Variants in ISY1 observed in about 807,000 individuals in gnomAD.
ISY1 encodes the protein pre-mRNA-splicing factor ISY1 homolog.
ISY1 carries 12 observed loss-of-function variants against 54.4 expected under a neutral mutation model. The ratio of observed to expected loss-of-function variants is 0.22; its 90% CI spans 0.14 to 0.36. The LOEUF is 0.36. Among genes scored for constraint, ISY1 ranks in the 10% least tolerant of loss-of-function variants. The probability of loss-of-function intolerance (pLI) is 1.00; values close to 1 mark genes in which losing one functional copy is unlikely to be tolerated. For missense variants in ISY1, 282 were observed against 342.2 expected (o/e 0.82, Z 1.39); for synonymous variants, 96 against 117.9 (o/e 0.81, Z 1.20).
intron 7 of ISY1, 139 bp downstream of exon 7, chr3:129,140,229 T>A (rs1936566113): frequency 2.6e-6 from 2 of 767,520 alleles, no homozygotes; most frequent in East Asian, 5.3e-5. Context: ...AATTCTCAGT[T>A]AAAATCTGGG....
At chr3:129,132,078 C>T (rs1936252690) in intron 9 of ISY1, among the ~76,000 whole-genome samples, 1 of 152,124 alleles carries the variant, frequency 6.6e-6, no homozygotes, top group Admixed American at 6.5e-5. Flanking sequence ...AATCCTCCCA[C>T]CTCAGCCTCC....
chr3:129,157,041 T>C, intron 3 of ISY1, 121 bp from the exon 4 acceptor site: 3 of 1,063,942 alleles, frequency 2.8e-6, no homozygotes, highest in South Asian at 1.6e-5. Flanking sequence ...GAAGTTTTCA[T>C]TCCAGATGAT....
rs745998443 is a variant in ISY1, at chr3:129,130,138, A to G, written c.801T>C (p.Tyr267=). ...RRKKMELLQK[Y]ASETLQAQSE... ...TTTGGGCCTGCAGGGTCTCGCTTGC[A>G]TACTTCTGGAGGAGTTCCATTTTCT... Residue 267 remains tyrosine (Y), a synonymous_variant, in exon 11 of 11, where the codon TAT becomes TAC. Transcript: ENST00000393295. 26 of 1,612,546 alleles carry G rather than the reference A, an allele frequency of 1.6e-5. No individual in the cohort carries two copies. The highest frequency in any genetic ancestry group is 1.9e-5 in the Non-Finnish European group (23 of 1,179,556).
intron 1 of ISY1, 95 bp from the exon 2 acceptor site, chr3:129,159,271 A>G: frequency 2.0e-6 from 3 of 1,508,926 alleles, no homozygotes; most frequent in Non-Finnish European, 2.7e-6. Flanking sequence ...CAAGAATACA[A>G]TCACAAGCAA....
chr3:129,151,163 ATATATAAAAAT>A (rs1560021261), intron 5 of ISY1, among the ~76,000 whole-genome samples: 5 of 147,512 alleles, frequency 3.4e-5, no homozygotes, highest in Admixed American at 6.8e-5. Context: ...AAATATATAA[ATATATAAAAAT>A]ATATATAAAT....
chr3:129,130,463 A>C (rs1015258684), intron 10 of ISY1, 87 bp downstream of exon 10: 4 of 1,509,040 alleles, frequency 2.7e-6, no homozygotes, highest in South Asian at 1.2e-5. Flanking sequence ...ATGGGTAGGA[A>C]GGACAACGAA....
chr3:129,158,379 A>C (rs1445785773), intron 3 of ISY1, 129 bp downstream of exon 3: 1 of 1,312,120 alleles, frequency 7.6e-7, no homozygotes, highest in Non-Finnish European at 1.1e-6. Context: ...GACTGGTCTC[A>C]AACTCCTAGA....
chr3:129,136,258 C>T (rs1178472695), intron 7 of ISY1, among the ~76,000 whole-genome samples: 3 of 151,556 alleles, frequency 2.0e-5, no homozygotes, highest in Admixed American at 2.0e-4. Flanking sequence ...CCCGCCACCA[C>T]ACCCAGCTAA....
Position 129,149,427 on chromosome 3 carries a change from CAAAAAAAAAAAAAAA to C in ISY1, c.188-3569_188-3555del, listed in dbSNP as rs767849123. Among the ~76,000 whole-genome samples the C allele has an allele frequency of 8.2e-3, 199 of 24,222 alleles. 3 individuals are homozygous for C. The highest frequency in any genetic ancestry group is 0.026 in the African/African-American group (193 of 7,346). 15.9% of individuals were successfully genotyped at this position (24,222 alleles called of 152,430 possible). On this transcript the variant is annotated intron_variant, in intron 5 of 10. Transcript: ENST00000393295. Reference sequence around the variant, plus strand: ...TGGCGACAAGAACAAAACTCTATCTCAAAAAAAAAAAAAAAAAAAAAAAAAAAATTAGCCAGGCAT... The same window carrying C: ...TGGCGACAAGAACAAAACTCTATCTCAAAAAAAAAAAAATTAGCCAGGCAT...
intron 6 of ISY1, among the ~76,000 whole-genome samples, chr3:129,140,869 G>T (rs943725082): frequency 2.6e-5 from 4 of 151,456 alleles, no homozygotes; most frequent in Admixed American, 6.6e-5. Flanking sequence ...GCGCCTGGCA[G>T]ATCTGATCTT....
At chr3:129,157,029 T>C (rs1937162676) in intron 3 of ISY1, 109 bp from the exon 4 acceptor site, 3 of 1,245,324 alleles carry the variant, frequency 2.4e-6, no homozygotes, top group Non-Finnish European at 3.4e-6. Context: ...CTAAAAACAT[T>C]TGAAGTTTTC....
At chr3:129,153,701 G>A (rs546667651) in intron 5 of ISY1, among the ~76,000 whole-genome samples, 9 of 151,988 alleles carry the variant, frequency 5.9e-5, no homozygotes, top group African/African-American at 1.2e-4. Context: ...CAGGAGATTC[G>A]CTTGAACCCG....
At chr3:129,132,727 G>A (rs529462983) in intron 9 of ISY1, among the ~76,000 whole-genome samples, 1 of 152,312 alleles carries the variant, frequency 6.6e-6, no homozygotes, top group South Asian at 2.1e-4. Context: ...CCTGCACCTG[G>A]AATGCGGCTG....
At chr3:129,150,264 T>G (rs941600128) in intron 5 of ISY1, among the ~76,000 whole-genome samples, 3 of 152,192 alleles carry the variant, frequency 2.0e-5, no homozygotes, top group Non-Finnish European at 2.9e-5. Flanking sequence ...TTGTGATATA[T>G]TGGAAGAGAG....
chr3:129,133,901 G>A (rs1936311470), intron 9 of ISY1, among the ~76,000 whole-genome samples, 173 bp downstream of exon 9: 1 of 152,176 alleles, frequency 6.6e-6, no homozygotes, highest in Non-Finnish European at 1.5e-5. Flanking sequence ...TCTCATGGCT[G>A]CTGCCTCCTG....
At chr3:129,132,822 C>T (rs1393997248) in intron 9 of ISY1, among the ~76,000 whole-genome samples, 1 of 152,240 alleles carries the variant, frequency 6.6e-6, no homozygotes, top group African/African-American at 2.4e-5. Flanking sequence ...GGCATGCTGC[C>T]ATCCTGCTTC....
intron 10 of ISY1, 56 bp from the exon 11 acceptor site, chr3:129,130,244 C>G (rs1254124236): frequency 6.6e-7 from 1 of 1,525,276 alleles, no homozygotes; most frequent in Admixed American, 2.3e-5. Context: ...CAACCCCTGC[C>G]AGACCCAGCC....
At chr3:129,157,954 G>A (rs987077714) in intron 3 of ISY1, among the ~76,000 whole-genome samples, 6 of 152,062 alleles carry the variant, frequency 3.9e-5, no homozygotes, top group African/African-American at 1.4e-4. Context: ...TCCGTCTCCA[G>A]GGCTCAAGTG....
chr3:129,158,563 C>T lies in ISY1; in HGVS notation c.27-4G>A. 2 of 1,613,992 alleles carry T rather than the reference C, an allele frequency of 1.2e-6. No homozygotes were observed. The highest frequency in any genetic ancestry group is 1.7e-6 in the Non-Finnish European group (2 of 1,180,000). On this transcript the variant is annotated splice_region_variant and splice_polypyrimidine_tract_variant and intron_variant, in intron 2 of 10. Coordinates refer to ENST00000393295, the MANE Select transcript of ISY1 (RefSeq NM_020701.4). Reference sequence around the variant, plus strand: ...GCGAAATCTTGCTAAGGCCGTCCTACCAGCGATATAAAAGATAAAAGACTC... The same window carrying T: ...GCGAAATCTTGCTAAGGCCGTCCTATCAGCGATATAAAAGATAAAAGACTC...
Sources: gnomAD v4.1 joint callset for allele counts (sites outside exome capture counted in the v4.1 genomes callset) on GRCh38, gnomAD v4.1.1 for gene constraint, MANE v1.5 for transcripts, NCBI Gene and HGNC (gene_info 2026-07-23, HGNC 2026-07-21) for gene names.